NTRK1: variants seen among roughly 807,000 people sequenced by gnomAD.
NTRK1 encodes high affinity nerve growth factor receptor.
Under a neutral mutation model 86.8 loss-of-function variants are expected in NTRK1, and 62 were observed. That is an observed-to-expected ratio of 0.71 (90% CI 0.58 to 0.88). The LOEUF (loss-of-function observed/expected upper bound fraction) is 0.88, where lower values mean the gene tolerates loss of function less well. NTRK1 is among the 40% of genes least tolerant of loss of function. The probability of loss-of-function intolerance (pLI) is 0.00; values close to 1 mark genes in which losing one functional copy is unlikely to be tolerated. For missense variants in NTRK1, 967 were observed against 1,078.4 expected, an observed-to-expected ratio of 0.90 and a Z score of 1.45; for synonymous variants, 469 against 456.6, an observed-to-expected ratio of 1.03 and a Z score of -0.35.
At chr1:156,835,864 T>G (rs4661228) in intron 1 of NTRK1, among the ~76,000 whole-genome samples, 28,739 of 152,246 alleles carry the variant, frequency 0.19, 5,052 homozygotes, top group African/African-American at 0.47. Flanking sequence ...GAGGTACCCC[T>G]GCCTCCTTCA....
Position 156,854,186 on chromosome 1 carries a change from A to G in NTRK1, c.51-10168A>G. ...GAGGCGAGGGAAGCTGAGGCCGCGG[A>G]AGTCCTCCCCGGTGGCTGTGAACAT... On this transcript the variant is annotated intron_variant, in intron 2 of 16. Transcript: ENST00000392302. The surrounding 1 kb of genome is among the most constrained non-coding windows in gnomAD (Gnocchi z 4.2). 1 of 1,614,100 alleles carries G rather than the reference A, an allele frequency of 6.2e-7. No individual in the cohort carries two copies. Among genetic ancestry groups the G allele is most frequent in the Non-Finnish European group, 8.5e-7 (1 of 1,180,016 alleles).
At chr1:156,829,908 C>G (rs978821802) in intron 1 of NTRK1, among the ~76,000 whole-genome samples, 1 of 152,208 alleles carries the variant, frequency 6.6e-6, no homozygotes, top group Admixed American at 6.5e-5. Flanking sequence ...CAGCCTTGGC[C>G]TCCCAAAGTG....
chr1:156,877,535 G>A (rs181089108), intron 14 of NTRK1, among the ~76,000 whole-genome samples: 3 of 152,214 alleles, frequency 2.0e-5, no homozygotes, highest in East Asian at 1.9e-4. Flanking sequence ...ATGTTCCCTC[G>A]GTCTAGTCCT....
Position 156,872,664 on chromosome 1 carries a change from A to G in NTRK1, c.850+909A>G, listed in dbSNP as rs1250703158. On this transcript the variant is annotated intron_variant, in intron 7 of 16. Transcript: ENST00000524377. ...TCATTGAGGGGCTTTTACTTTTACC[A>G]GATTGGGTCTATTTCTTTTTTTTTT... Among the ~76,000 whole-genome samples, 3 of 151,058 alleles carry G rather than the reference A, an allele frequency of 2.0e-5. No homozygotes were observed. In the South Asian group the frequency reaches 6.3e-4, roughly 32 times the overall value.
chr1:156,881,324 G>A lies in NTRK1; in HGVS notation c.2206-133G>A, dbSNP rs189817649. ...CCTGGGGTTGACTGTGTCCATTCGG[G>A]TTATTAGCAGCTAAGAAGCCCAGAC... On this transcript the variant is annotated intron_variant, in intron 16 of 16. Coordinates refer to ENST00000524377, the MANE Select transcript of NTRK1 (RefSeq NM_002529.4). 1.9e-4 allele frequency: 152 copies of A among 789,566 alleles called. No homozygotes were observed. The African/African-American group carries it at 2.5e-3, about 13-fold the overall frequency. 48.9% of individuals were successfully genotyped at this position (789,566 alleles called of 1,614,324 possible).
chr1:156,857,483 T>C (rs910373799), upstream of NTRK1, among the ~76,000 whole-genome samples: 2 of 152,008 alleles, frequency 1.3e-5, no homozygotes, highest in African/African-American at 4.8e-5. Flanking sequence ...AACATCTGGG[T>C]CCCCTGAGCA....
At chr1:156,848,981 T>TC (rs1200724396) in intron 2 of NTRK1, 1 of 1,610,168 alleles carries the variant, frequency 6.2e-7, no homozygotes, top group Non-Finnish European at 8.5e-7. Flanking sequence ...CTCATAGCGC[T>TC]CCCAGCGTAG....
chr1:156,868,684 A>G (rs2102894881), intron 6 of NTRK1, 37 bp downstream of exon 6: 1 of 1,548,520 alleles, frequency 6.5e-7, no homozygotes, highest in Non-Finnish European at 8.7e-7. Context: ...CAAGAGGTCC[A>G]GGCAGAGCAC....
Position 156,840,958 on chromosome 1 carries a change from C to T in NTRK1, c.-63-1123C>T, listed in dbSNP as rs759671540. 19 of 1,613,724 alleles carry T rather than the reference C, an allele frequency of 1.2e-5. No homozygotes were observed. The highest frequency in any genetic ancestry group is 4.0e-5 in the African/African-American group (3 of 74,926). The stretch of plus-strand genomic sequence containing the variant: ...CTCTGCATCGGTGGTAGGCAGGGAG[C>T]CCCGGGCCCCCCGGCATTCCGGGCT... On this transcript the variant is annotated intron_variant, in intron 1 of 16. Transcript: ENST00000392302.
chr1:156,837,136 C>G (rs1047725722), intron 1 of NTRK1: 5 of 152,256 alleles, frequency 3.3e-5, no homozygotes, highest in African/African-American at 9.7e-5. Flanking sequence ...ATCTCCAGCT[C>G]CTATCTCACC....
At chr1:156,850,299 T>C (rs1257861367) in intron 2 of NTRK1, among the ~76,000 whole-genome samples, 1 of 151,950 alleles carries the variant, frequency 6.6e-6, no homozygotes, top group Admixed American at 6.6e-5. Flanking sequence ...GTAACCCCTG[T>C]CTCCCAGGTT....
chr1:156,837,129 T>A (rs1353655965), intron 1 of NTRK1: 3 of 152,234 alleles, frequency 2.0e-5, no homozygotes. Context: ...GGAATTGATC[T>A]CCAGCTCCTA....
chr1:156,877,211 T>C (rs1236966678), intron 14 of NTRK1, among the ~76,000 whole-genome samples: 1 of 152,192 alleles, frequency 6.6e-6, no homozygotes, highest in Non-Finnish European at 1.5e-5. Flanking sequence ...ATTATGGTTC[T>C]ATGTGCTGGT....
chr1:156,844,265 C>T (rs779943504), intron 2 of NTRK1: 2 of 1,613,232 alleles, frequency 1.2e-6, no homozygotes, highest in Non-Finnish European at 1.7e-6. Context: ...ATGCAGCCCC[C>T]CAGCATCCTC....
rs1042109338 is a variant in NTRK1, at chr1:156,840,531, C to A, written c.-63-1550C>A. 4 of 337,378 alleles carry A rather than the reference C, an allele frequency of 1.2e-5. No individual in the cohort carries two copies. In the Admixed American group the frequency reaches 1.7e-4, roughly 14 times the overall value. The allele number at this position is 337,378 out of a possible 1,614,324, so 20.9% of individuals were successfully genotyped here. A position where few individuals can be genotyped will look rare whatever the true frequency, so the allele number is the denominator to read the frequency against. ...GCTGGCCCTACCTGTCCAGAGGAGA[C>A]CCCAAACTGAGGGGCAGGGCCTCTA... On this transcript the variant is annotated intron_variant, in intron 1 of 16. Coordinates refer to the NTRK1 transcript ENST00000392302.
intron 2 of NTRK1, chr1:156,849,449 A>G: frequency 7.2e-7 from 1 of 1,383,328 alleles, no homozygotes; most frequent in Non-Finnish European, 9.6e-7. Context: ...CAGCACGTAG[A>G]GAGTGTAGTT....
intron 1 of NTRK1, among the ~76,000 whole-genome samples, chr1:156,861,703 C>G (rs1655661004): frequency 6.6e-6 from 1 of 152,140 alleles, no homozygotes; most frequent in Non-Finnish European, 1.5e-5. Flanking sequence ...ATTCCTTCCC[C>G]CAGAACCCGT....
At chr1:156,834,421 G>A (rs540465744) in intron 1 of NTRK1, among the ~76,000 whole-genome samples, 3 of 152,322 alleles carry the variant, frequency 2.0e-5, no homozygotes, top group African/African-American at 7.2e-5. Flanking sequence ...GCCACAGCCT[G>A]GGGACAGGGA....
chr1:156,821,523 C>T (rs541949002), intron 1 of NTRK1, among the ~76,000 whole-genome samples: 5 of 149,788 alleles, frequency 3.3e-5, no homozygotes, highest in East Asian at 2.0e-4. Context: ...TGTCAGAAGA[C>T]ATGAGATTAA....
Sources: allele counts gnomAD v4.1 joint callset (sites outside exome capture counted in the v4.1 genomes callset), GRCh38; gene constraint gnomAD v4.1.1; non-coding constraint Gnocchi (gnomAD v3.1); transcripts MANE v1.5; gene names NCBI Gene and HGNC (gene_info 2026-07-23, HGNC 2026-07-21).